Variants in SUMF2 observed in about 807,000 individuals in gnomAD.
SUMF2 encodes sulfatase modifying factor 2.
SUMF2 carries 45 observed loss-of-function variants against 44.8 expected under a neutral mutation model. The ratio of observed to expected loss-of-function variants is 1.00; its 90% CI spans 0.79 to 1.29. SUMF2 has a LOEUF of 1.29. Among genes scored for constraint, SUMF2 ranks in the 50% most tolerant of loss-of-function variants. The pLI, the probability that SUMF2 is intolerant of heterozygous loss-of-function variation, is 0.00. For synonymous variants in SUMF2, 148 were observed against 150.4 expected, an observed-to-expected ratio of 0.98 and a Z score of 0.12; for missense variants, 418 against 389.9, an observed-to-expected ratio of 1.07 and a Z score of -0.61.
At chr7:56,064,511 T>A in intron 1 of SUMF2, 133 bp downstream of exon 1, 1 of 1,292,064 alleles carries the variant, frequency 7.7e-7, no homozygotes, top group Non-Finnish European at 1.0e-6. Context: ...GAGGTAGCTC[T>A]CGGTGCGCGT....
At chr7:56,085,672 A>C in the SUMF2 span, among the ~76,000 whole-genome samples, 1 of 152,124 alleles carries the variant, frequency 6.6e-6, no homozygotes, top group Non-Finnish European at 1.5e-5. Flanking sequence ...GATCTTTTCA[A>C]AAGGAAGTCA....
chr7:56,064,302 G>T lies in SUMF2; in HGVS notation c.-10G>T, dbSNP rs768832247. 1.9e-6 allele frequency: 3 copies of T among 1,585,172 alleles called. No homozygotes were observed. The highest frequency in any genetic ancestry group is 2.6e-6 in the Non-Finnish European group (3 of 1,166,076). On this transcript the variant is annotated 5_prime_UTR_variant, in exon 1 of 9. Coordinates refer to ENST00000434526, the MANE Select transcript of SUMF2 (RefSeq NM_015411.4). Reference sequence around the variant, plus strand: ...GCCGTGGGTGTACGCGGCGCAGCGCGGCAGTCCTGATGGCCCGGCATGGGT... The same window carrying T: ...GCCGTGGGTGTACGCGGCGCAGCGCTGCAGTCCTGATGGCCCGGCATGGGT...
the SUMF2 span, chr7:56,087,104 G>A: frequency 1.0e-5 from 11 of 1,059,328 alleles, no homozygotes; most frequent in Admixed American, 6.8e-5. Flanking sequence ...GTCAGGGACC[G>A]AGGCTGCTGT....
intron 2 of SUMF2, among the ~76,000 whole-genome samples, chr7:56,070,163 C>T (rs1408371820): frequency 6.6e-6 from 1 of 152,112 alleles, no homozygotes; most frequent in Non-Finnish European, 1.5e-5. Context: ...CCTGCCTTGG[C>T]CTCCTGAAGT....
chr7:56,067,463 C>T (rs1254803473), intron 1 of SUMF2, among the ~76,000 whole-genome samples: 2 of 152,072 alleles, frequency 1.3e-5, no homozygotes, highest in Admixed American at 1.3e-4. Context: ...AGCCATTGCT[C>T]CTGGTTCCAT....
the SUMF2 span, chr7:56,087,474 G>T: frequency 2.4e-6 from 2 of 849,332 alleles, no homozygotes; most frequent in Non-Finnish European, 3.7e-6. Flanking sequence ...TGAGGGTGGA[G>T]CTGGGAGCCT....
rs200000444 is a variant in SUMF2 at position 56,079,718 on chromosome 7, G to T, written c.*106G>T. 1.7e-4 allele frequency: 269 copies of T among 1,605,344 alleles called. No individual in the cohort carries two copies. The highest frequency in any genetic ancestry group is 2.1e-4 in the Admixed American group (12 of 57,612). Reference sequence around the variant, plus strand: ...GCTCGAGAGCTTCAGCCTCAGGAAAGAACTTCCCCTTCCCTGTCTCCCATC... The same window carrying T: ...GCTCGAGAGCTTCAGCCTCAGGAAATAACTTCCCCTTCCCTGTCTCCCATC... On this transcript the variant is annotated 3_prime_UTR_variant, in exon 9 of 9. Coordinates refer to ENST00000434526, the MANE Select transcript of SUMF2 (RefSeq NM_015411.4).
chr7:56,081,610 T>C, downstream of SUMF2: 2 of 1,611,928 alleles, frequency 1.2e-6, no homozygotes, highest in Non-Finnish European at 1.7e-6. This position sits in a 1 kb window ranked among gnomAD's most constrained non-coding sequence, Gnocchi z 4.6. Context: ...CTGGCGGGCC[T>C]GGATCAGGAC....
downstream of SUMF2, chr7:56,081,527 G>A (rs1157455840): frequency 2.9e-6 from 4 of 1,388,698 alleles, no homozygotes; most frequent in Non-Finnish European, 3.0e-6. The surrounding 1 kb of genome is among the most constrained non-coding windows in gnomAD (Gnocchi z 4.6). Context: ...GGGGAGGGAT[G>A]GGTACTCTGG....
intron 2 of SUMF2, among the ~76,000 whole-genome samples, chr7:56,069,038 A>G (rs1794999552): frequency 6.6e-6 from 1 of 152,112 alleles, no homozygotes; most frequent in Admixed American, 6.6e-5. Flanking sequence ...AAGGAAAACT[A>G]ACTTGTTCAC....
At chr7:56,087,620 C>T in the SUMF2 span, 3 of 1,613,830 alleles carry the variant, frequency 1.9e-6, no homozygotes, top group Admixed American at 3.3e-5. Flanking sequence ...GCCCTGAGAC[C>T]TTGCGCAGGA....
At chr7:56,068,667 G>A in intron 2 of SUMF2, 29 bp downstream of exon 2, 2 of 1,596,916 alleles carry the variant, frequency 1.3e-6, no homozygotes, top group Non-Finnish European at 1.7e-6. Context: ...CAGGAGGAAT[G>A]AAGACCCTCT....
chr7:56,070,286 A>T (rs1334384332), intron 2 of SUMF2, among the ~76,000 whole-genome samples: 1 of 152,060 alleles, frequency 6.6e-6, no homozygotes, highest in African/African-American at 2.4e-5. Flanking sequence ...AGTTAATAAC[A>T]ATAACACCTG....
At chr7:56,073,913 G>T (rs1584589129) in intron 3 of SUMF2, 2 of 546,562 alleles carry the variant, frequency 3.7e-6, no homozygotes, top group South Asian at 2.4e-5. Flanking sequence ...TACTCAGGAG[G>T]TTGAGGTGGG....
At chr7:56,072,177 A>C (rs1235976170) in intron 2 of SUMF2, among the ~76,000 whole-genome samples, 2 of 150,436 alleles carry the variant, frequency 1.3e-5, no homozygotes, top group Non-Finnish European at 3.0e-5. Context: ...TGTAATCCCA[A>C]CACTTTGGGA....
chr7:56,078,577 G>GT, intron 8 of SUMF2, 69 bp downstream of exon 8: 1 of 1,468,602 alleles, frequency 6.8e-7, no homozygotes, highest in Non-Finnish European at 9.0e-7. Flanking sequence ...CCCGGTCCCA[G>GT]AGTGTCCCTA....
At chr7:56,077,500 AAAAAT>A (rs971194109) in intron 6 of SUMF2, among the ~76,000 whole-genome samples, 10 of 151,282 alleles carry the variant, frequency 6.6e-5, no homozygotes, top group African/African-American at 2.2e-4. Flanking sequence ...TGCTTCTACA[AAAAAT>A]AAAAGATGAG....
intron 6 of SUMF2, 147 bp downstream of exon 6, chr7:56,077,036 A>G (rs1277410737): frequency 1.7e-5 from 10 of 571,928 alleles, no homozygotes; most frequent in African/African-American, 1.4e-4. Context: ...ACAATGGGTC[A>G]TAAGTGCTTT....
intron 2 of SUMF2, among the ~76,000 whole-genome samples, chr7:56,071,811 A>AATAG (rs1011880381): frequency 1.3e-5 from 2 of 149,070 alleles, no homozygotes; most frequent in Non-Finnish European, 3.0e-5. Context: ...TAAATAAATA[A>AATAG]ATAATTAAAT....
Sources: gnomAD v4.1 joint callset for allele counts (sites outside exome capture counted in the v4.1 genomes callset) on GRCh38, gnomAD v4.1.1 for gene constraint, Gnocchi (gnomAD v3.1) non-coding constraint, MANE v1.5 for transcripts, NCBI Gene and HGNC (gene_info 2026-07-23, HGNC 2026-07-21) for gene names.